Variants in ZBTB49 observed in about 807,000 individuals in gnomAD.
ZBTB49 encodes zinc finger and BTB domain containing 49.
Under a neutral mutation model 57.5 loss-of-function variants are expected in ZBTB49, and 43 were observed. The observed-to-expected ratio is 0.75, with a 90% CI of 0.59 to 0.97. The LOEUF (loss-of-function observed/expected upper bound fraction) is 0.97, where lower values mean the gene tolerates loss of function less well. Ranked by LOEUF, ZBTB49 falls within the 50% of genes least tolerant of loss-of-function variation. The pLI, the probability that ZBTB49 is intolerant of heterozygous loss-of-function variation, is 0.00. For synonymous variants in ZBTB49, 369 were observed against 362.1 expected, an observed-to-expected ratio of 1.02 and a Z score of -0.22; for missense variants, 938 against 947.7, an observed-to-expected ratio of 0.99 and a Z score of 0.13.
Position 4,321,317 on chromosome 4 carries a change from T to C in ZBTB49, c.*1T>C. 1.9e-6 allele frequency: 3 copies of C among 1,607,980 alleles called. No homozygotes were observed. The highest frequency in any genetic ancestry group is 2.5e-6 in the Non-Finnish European group (3 of 1,179,944). ...GAATGAAAACGAGTTAGACCAGTGATGTACCGCGCTTCTCCACGGTAGAGG... is the reference window on the plus strand; with the variant it reads ...GAATGAAAACGAGTTAGACCAGTGACGTACCGCGCTTCTCCACGGTAGAGG... On this transcript the variant is annotated 3_prime_UTR_variant, in exon 8 of 8. Coordinates refer to ENST00000337872, the MANE Select transcript of ZBTB49 (RefSeq NM_145291.4).
chr4:4,294,681 G>A (rs1368926423), intron 1 of ZBTB49, among the ~76,000 whole-genome samples: 1 of 152,098 alleles, frequency 6.6e-6, no homozygotes, highest in Non-Finnish European at 1.5e-5. Context: ...AAAGTAAATT[G>A]TGTAACAGTT....
intron 4 of ZBTB49, among the ~76,000 whole-genome samples, chr4:4,307,514 CAT>C (rs1720790498): frequency 6.6e-6 from 1 of 152,210 alleles, no homozygotes; most frequent in African/African-American, 2.4e-5. Flanking sequence ...TAGTTAACCT[CAT>C]AGAGTGTGAG....
intron 4 of ZBTB49, among the ~76,000 whole-genome samples, chr4:4,307,987 C>A (rs141151525): frequency 1.2e-4 from 19 of 152,222 alleles, no homozygotes; most frequent in African/African-American, 4.6e-4. Flanking sequence ...CAGTCCACCT[C>A]CACTCCTCTC....
chr4:4,317,897 C>G (rs765982480), intron 7 of ZBTB49, among the ~76,000 whole-genome samples: 2 of 152,160 alleles, frequency 1.3e-5, no homozygotes, highest in Non-Finnish European at 2.9e-5. Context: ...TTTCCTGGCT[C>G]TCTGGTTTTA....
At chr4:4,307,239 C>T (rs377556291) in intron 4 of ZBTB49, among the ~76,000 whole-genome samples, 3 of 152,320 alleles carry the variant, frequency 2.0e-5, no homozygotes, top group East Asian at 1.9e-4. Flanking sequence ...TGTCTTCTCT[C>T]CCATCCAGGA....
intron 1 of ZBTB49, among the ~76,000 whole-genome samples, chr4:4,298,367 G>C (rs1214741790): frequency 1.3e-5 from 2 of 152,144 alleles, no homozygotes; most frequent in East Asian, 3.9e-4. Context: ...CCATGCTTGA[G>C]TACTGAGAAT....
intron 5 of ZBTB49, among the ~76,000 whole-genome samples, chr4:4,313,388 T>C (rs1721060225): frequency 6.6e-6 from 1 of 152,236 alleles, no homozygotes; most frequent in Non-Finnish European, 1.5e-5. Flanking sequence ...TTTATACTAA[T>C]ATTTTCATTC....
Position 4,302,312 on chromosome 4 carries a change from A to C in ZBTB49, c.476A>C (p.Glu159Ala). ...SENYPPHLLQ[E>A]CSADAQQNKT... is the part of the protein sequence containing the mutation. ...AACTACCCCCCTCATTTACTGCAGG[A>C]ATGTTCAGCAGATGCACAGCAGAAC... The change falls in exon 3 of 8, where the codon GAA becomes GCA. Residue 159 changes from glutamate (E) to alanine (A), a missense_variant. Glu to Ala is a moderately radical substitution (Grantham distance 107). This residue lies in a region of ZBTB49 where 835 missense variants were observed against 819.1 expected (regional missense o/e 1.02). Transcript: ENST00000337872. 6.2e-7 allele frequency: 1 copy of C among 1,614,220 alleles called. No homozygotes were observed. The highest frequency in any genetic ancestry group is 8.5e-7 in the Non-Finnish European group (1 of 1,180,032).
Position 4,302,460 on chromosome 4 carries a change from A to G in ZBTB49, c.624A>G (p.Lys208=). ...GCAGCTGCACAGAACTGCCTTTCAA[A>G]CAGCCAAATTACTATTACAAACTCA... is the stretch of plus-strand genomic sequence containing the variant. ...SDGSCTELPF[K]QPNYYYKLRN... is the part of the protein sequence containing the mutation. Residue 208 remains lysine (K), a synonymous_variant, in exon 3 of 8, where the codon AAA becomes AAG. Coordinates refer to ENST00000337872, the MANE Select transcript of ZBTB49 (RefSeq NM_145291.4). The G allele has an allele frequency of 6.2e-7, 1 of 1,614,234 alleles. No homozygotes were observed. Among genetic ancestry groups the G allele is most frequent in the Non-Finnish European group, 8.5e-7 (1 of 1,180,040 alleles).
At chr4:4,299,724 C>A (rs1720385266) in intron 1 of ZBTB49, among the ~76,000 whole-genome samples, 1 of 151,774 alleles carries the variant, frequency 6.6e-6, no homozygotes, top group African/African-American at 2.4e-5. Flanking sequence ...GCATTTCCAT[C>A]ATGACAGGTA....
intron 4 of ZBTB49, among the ~76,000 whole-genome samples, chr4:4,310,651 A>G (rs1237600460): frequency 6.7e-6 from 1 of 150,302 alleles, no homozygotes; most frequent in Non-Finnish European, 1.5e-5. Flanking sequence ...CTGGGACTAC[A>G]GGCGCCCGCC....
intron 5 of ZBTB49, among the ~76,000 whole-genome samples, chr4:4,314,474 C>T (rs1411942265): frequency 6.6e-6 from 1 of 152,220 alleles, no homozygotes; most frequent in Admixed American, 6.5e-5. Context: ...TGGGTTCAAG[C>T]GATTCTCCTG....
In ZBTB49 at chr4:4,303,080, G is replaced by A. The variant is rs1720576587; in HGVS notation, c.1244G>A (p.Arg415Gln). 3.7e-6 allele frequency: 6 copies of A among 1,603,152 alleles called. No individual in the cohort carries two copies. Among genetic ancestry groups the A allele is most frequent in the Non-Finnish European group, 5.1e-6 (6 of 1,173,618 alleles). The change falls in exon 3 of 8, where the codon CGG becomes CAG. Residue 415 changes from arginine to glutamine, a missense_variant. By Grantham distance (43) the Arg-to-Gln change is conservative (BLOSUM62 1). Coordinates refer to ENST00000337872, the MANE Select transcript of ZBTB49 (RefSeq NM_145291.4). ...KHPSNLELHK[R>Q]SHTGEKPFEC... ...CCAAGCAACTTGGAGCTTCACAAAC[G>A]GTCTCATACAGGTAACTGATTCAGT...
chr4:4,302,972 C>T lies in ZBTB49; in HGVS notation c.1136C>T (p.Pro379Leu), dbSNP rs148028077. Reference sequence around the variant, plus strand: ...AGTGAGACGGAGAGGCCTGAAGACCCGGCTGCCCTGGAAGACCAGTCCCAG... The same window carrying T: ...AGTGAGACGGAGAGGCCTGAAGACCTGGCTGCCCTGGAAGACCAGTCCCAG... ...CISETERPED[P>L]AALEDQSQTL... Residue 379 changes from proline (P) to leucine (L), a missense_variant, in exon 3 of 8, where the codon CCG becomes CTG. This residue lies in a region of ZBTB49 where 835 missense variants were observed against 819.1 expected (regional missense o/e 1.02). Transcript: ENST00000337872. 6.7e-5 allele frequency: 108 copies of T among 1,614,182 alleles called. No individual in the cohort carries two copies. In the Admixed American group the frequency reaches 9.7e-4, roughly 14 times the overall value.
At chr4:4,320,372 G>T (rs948721023) in intron 7 of ZBTB49, among the ~76,000 whole-genome samples, 7 of 152,102 alleles carry the variant, frequency 4.6e-5, no homozygotes, top group African/African-American at 1.7e-4. Flanking sequence ...CTCAGATCAG[G>T]GTTGTTCAGT....
chr4:4,311,532 G>GT (rs1319072770), intron 4 of ZBTB49, among the ~76,000 whole-genome samples: 1 of 152,200 alleles, frequency 6.6e-6, no homozygotes, highest in Non-Finnish European at 1.5e-5. Context: ...TTCCCCACAA[G>GT]TAGAGGAGTT....
Position 4,302,200 on chromosome 4 carries a change from G to A in ZBTB49, c.364G>A (p.Val122Ile). Residue 122 changes from valine (V) to isoleucine (I), a missense_variant, in exon 3 of 8, where the codon GTA (valine) becomes ATA (isoleucine). Transcript: ENST00000337872. Reference protein sequence around the residue: ...LCHTFLKSATVVQPPGMPCNS... With the variant: ...LCHTFLKSATIVQPPGMPCNS... ...TCACACATTTTTAAAATCAGCCACT[G>A]TAGTACAGCCACCTGGCATGCCTTG... 1 of 1,614,242 alleles carries A rather than the reference G, an allele frequency of 6.2e-7. No homozygotes were observed. Among genetic ancestry groups the A allele is most frequent in the Non-Finnish European group, 8.5e-7 (1 of 1,180,044 alleles).
Position 4,302,517 on chromosome 4 carries a change from C to T in ZBTB49, c.681C>T (p.His227=), listed in dbSNP as rs764437920. 50 of 1,613,948 alleles carry T rather than the reference C, an allele frequency of 3.1e-5. No individual in the cohort carries two copies. In the Admixed American group the frequency reaches 4.8e-4, roughly 16 times the overall value. Residue 227 remains histidine (H), a synonymous_variant, in exon 3 of 8, where the codon CAC becomes CAT. Transcript: ENST00000337872. The part of the protein sequence containing the change: ...RNFYSKQYHK[H]AAGPSQERVV... ...TTTACAGTAAGCAGTACCATAAACA[C>T]GCAGCTGGTCCCAGTCAGGAGAGAG...
intron 1 of ZBTB49, among the ~76,000 whole-genome samples, chr4:4,297,847 G>A (rs1175675871): frequency 6.6e-6 from 1 of 151,836 alleles, no homozygotes; most frequent in African/African-American, 2.4e-5. Flanking sequence ...AAGGTGGGAG[G>A]GTCAGGTATA....
Sources: gnomAD v4.1 joint callset for allele counts (sites outside exome capture counted in the v4.1 genomes callset) on GRCh38, gnomAD v4.1.1 for gene constraint, gnomAD v4.1.1 regional missense constraint, MANE v1.5 for transcripts, NCBI Gene and HGNC (gene_info 2026-07-23, HGNC 2026-07-21) for gene names.